The following RAPGEF1 variants were observed in gnomAD, a reference collection of about 807,000 sequenced individuals.
RAPGEF1 encodes CRK SH3-binding GNRP.
RAPGEF1 carries 33 observed loss-of-function variants against 143.3 expected under a neutral mutation model. The observed-to-expected ratio is 0.23, with a 90% CI of 0.17 to 0.31. The LOEUF (loss-of-function observed/expected upper bound fraction) is 0.31. RAPGEF1 is among the 10% of genes least tolerant of loss of function. The pLI, the probability that RAPGEF1 is intolerant of heterozygous loss-of-function variation, is 1.00. For missense variants in RAPGEF1, 1,199 were observed against 1,645.4 expected (o/e 0.73, Z 4.69); for synonymous variants, 629 against 676.5 (o/e 0.93, Z 1.09).
chr9:131,738,754 A>G (rs926351205), intron 1 of RAPGEF1, among the ~76,000 whole-genome samples: 1 of 152,224 alleles, frequency 6.6e-6, no homozygotes, highest in African/African-American at 2.4e-5. Flanking sequence ...CTGTGCTTCA[A>G]CCACAGCCTG....
intron 13 of RAPGEF1, among the ~76,000 whole-genome samples, chr9:131,604,261 G>T (rs777684302): frequency 1.3e-5 from 2 of 152,212 alleles, no homozygotes; most frequent in Non-Finnish European, 2.9e-5. Flanking sequence ...AATCATCCTG[G>T]AGAGATGGCC....
intron 1 of RAPGEF1, among the ~76,000 whole-genome samples, chr9:131,654,925 GC>G (rs1273810765): frequency 1.3e-5 from 2 of 152,154 alleles, no homozygotes; most frequent in Admixed American, 6.5e-5. Flanking sequence ...ACTGTCCTAC[GC>G]AATGGAAAAA....
At chr9:131,649,983 C>A in intron 3 of RAPGEF1, 146 bp downstream of exon 3, 1 of 606,260 alleles carries the variant, frequency 1.6e-6, no homozygotes, top group African/African-American at 1.9e-5. Flanking sequence ...GTCCCCTGGA[C>A]TCTTTCCTGA....
intron 1 of RAPGEF1, among the ~76,000 whole-genome samples, chr9:131,700,783 T>C (rs1009156966): frequency 3.3e-5 from 5 of 152,148 alleles, no homozygotes; most frequent in African/African-American, 1.2e-4. Flanking sequence ...CCTGAATGTG[T>C]GTGTGCCGGA....
intron 1 of RAPGEF1, chr9:131,737,404 C>T (rs1837489580): frequency 6.2e-7 from 1 of 1,613,746 alleles, no homozygotes. Flanking sequence ...CCCTCTCTCA[C>T]CTGTGTCCAT....
chr9:131,735,628 G>A (rs1308270787), intron 1 of RAPGEF1, among the ~76,000 whole-genome samples: 1 of 152,126 alleles, frequency 6.6e-6, no homozygotes, highest in East Asian at 1.9e-4. Context: ...TCAAAGTCCA[G>A]ACAAAAACAA....
intron 12 of RAPGEF1, among the ~76,000 whole-genome samples, chr9:131,616,004 C>T (rs1958940845): frequency 6.6e-6 from 1 of 152,154 alleles, no homozygotes; most frequent in Non-Finnish European, 1.5e-5. Context: ...CAGTGGCTCA[C>T]GCCTGTAATC....
chr9:131,629,238 G>T lies in RAPGEF1; in HGVS notation c.757C>A (p.Leu253Met), dbSNP rs370381401. Residue 253 changes from leucine to methionine, a missense_variant, in exon 7 of 27, where the codon CTG becomes ATG. Around this residue, in one of 6 missense-constraint regions of RAPGEF1, gnomAD observed 613 missense variants for 710.9 expected, o/e 0.86. Transcript: ENST00000683357. Reference protein sequence around the residue: ...SKPDGPAELPLTDREVEILNK... With the variant: ...SKPDGPAELPMTDREVEILNK... The stretch of plus-strand genomic sequence containing the variant: ...AGGATCTCTACCTCGCGGTCTGTCA[G>T]GGGGAGCTCTGCTGGGCTGGAGAAT... 101 of 1,613,698 alleles carry T rather than the reference G, an allele frequency of 6.3e-5. No homozygotes were observed. In the African/African-American group the frequency reaches 8.1e-4, roughly 13 times the overall value.
chr9:131,648,532 C>G lies in RAPGEF1; in HGVS notation c.315+1597G>C, dbSNP rs193238193. ...AAGTGAATCATTTTACTCTGACTGC[C>G]TGGACTAGTGTTGGATGACAATTAC... On this transcript the variant is annotated intron_variant, in intron 3 of 26. Coordinates refer to ENST00000683357, the MANE Select transcript of RAPGEF1 (RefSeq NM_001377935.1). Among the ~76,000 whole-genome samples the G allele has an allele frequency of 9.0e-3, 1,365 of 152,322 alleles. 12 individuals carry two copies. The highest frequency in any genetic ancestry group is 0.013 in the South Asian group (61 of 4,828).
chr9:131,619,750 G>T (rs1173542726), intron 11 of RAPGEF1, among the ~76,000 whole-genome samples: 1 of 152,216 alleles, frequency 6.6e-6, no homozygotes, highest in Non-Finnish European at 1.5e-5. Context: ...TGAAGCACTT[G>T]AAATATTGCT....
intron 12 of RAPGEF1, 81 bp from the exon 13 acceptor site, chr9:131,605,269 A>G (rs1357981810): frequency 4.4e-6 from 5 of 1,148,238 alleles, no homozygotes; most frequent in Non-Finnish European, 5.7e-6. Flanking sequence ...GCAGTAGCTG[A>G]GCAGTGACAG....
intron 15 of RAPGEF1, chr9:131,598,563 C>T: frequency 1.6e-6 from 1 of 616,826 alleles, no homozygotes; most frequent in African/African-American, 1.8e-5. Flanking sequence ...TAAAAAGGTT[C>T]CATTAAGCTG....
At chr9:131,596,601 G>C (rs1230264018) in intron 16 of RAPGEF1, among the ~76,000 whole-genome samples, 1 of 152,222 alleles carries the variant, frequency 6.6e-6, no homozygotes, top group African/African-American at 2.4e-5. Context: ...GTGTCTGGGA[G>C]CTGGATGGCC....
chr9:131,681,146 T>C (rs1832875123), intron 1 of RAPGEF1, among the ~76,000 whole-genome samples: 1 of 152,102 alleles, frequency 6.6e-6, no homozygotes, highest in Non-Finnish European at 1.5e-5. Flanking sequence ...AGCATGTTTA[T>C]TTACCAGCTA....
rs370392666 is a variant in RAPGEF1 at position 131,621,948 on chromosome 9, T to C, written c.1753A>G (p.Met585Val). 3.2e-5 allele frequency: 51 copies of C among 1,613,696 alleles called. No individual in the cohort carries two copies. The highest frequency in any genetic ancestry group is 1.1e-4 in the East Asian group (5 of 44,876). The change falls in exon 11 of 27, where the codon ATG becomes GTG. Residue 585 changes from methionine (M) to valine (V), a missense_variant. This residue lies in a region of RAPGEF1 where 16 missense variants were observed against 52.7 expected (regional missense o/e 0.30). Coordinates refer to ENST00000683357, the MANE Select transcript of RAPGEF1 (RefSeq NM_001377935.1). This position sits in a 1 kb window ranked among gnomAD's most constrained non-coding sequence, Gnocchi z 4.5. ...LEDYSEPQPS[M>V]FYQTPQNEHI... ...TCGTTCTGTGGCGTCTGGTAGAACA[T>C]AGAGGGCTGCGGCTCCGAGTAGTCC...
At chr9:131,679,469 CATCCTAAAGTGATCTG>C (rs1832730949) in intron 1 of RAPGEF1, among the ~76,000 whole-genome samples, 3 of 152,332 alleles carry the variant, frequency 2.0e-5, no homozygotes, top group African/African-American at 7.2e-5. Flanking sequence ...CAGATGTTCC[CATCCTAAAGTGATCTG>C]ACTTGGCTCA....
At chr9:131,689,937 A>C (rs1009231396) in intron 1 of RAPGEF1, among the ~76,000 whole-genome samples, 1 of 152,248 alleles carries the variant, frequency 6.6e-6, no homozygotes, top group African/African-American at 2.4e-5. Context: ...TAATATCTGA[A>C]TATAAATGTA....
intron 1 of RAPGEF1, among the ~76,000 whole-genome samples, chr9:131,665,702 T>C (rs1045616537): frequency 1.2e-4 from 19 of 152,140 alleles, no homozygotes; most frequent in Non-Finnish European, 2.9e-5. Context: ...TGTTCTCCGA[T>C]GTCCCCCAGA....
intron 1 of RAPGEF1, among the ~76,000 whole-genome samples, chr9:131,698,377 C>G (rs1441200873): frequency 3.9e-5 from 6 of 152,226 alleles, no homozygotes; most frequent in Non-Finnish European, 7.3e-5. Context: ...GCTGCATGAT[C>G]TTGAGCAAGT....
Sources: gnomAD v4.1 joint callset for allele counts (sites outside exome capture counted in the v4.1 genomes callset) on GRCh38, gnomAD v4.1.1 for gene constraint, gnomAD v4.1.1 regional missense constraint, Gnocchi (gnomAD v3.1) non-coding constraint, MANE v1.5 for transcripts, NCBI Gene and HGNC (gene_info 2026-07-23, HGNC 2026-07-21) for gene names.